The following RFT1 variants were observed in gnomAD, a reference collection of about 807,000 sequenced individuals.
RFT1 encodes man(5)GlcNAc(2)-PP-dolichol translocation protein RFT1.
Under a neutral mutation model 62.2 loss-of-function variants are expected in RFT1, and 43 were observed. That is an observed-to-expected ratio of 0.69 (90% CI 0.54 to 0.89). The LOEUF is 0.89. RFT1 is among the 40% of genes least tolerant of loss of function. The probability of loss-of-function intolerance (pLI) is 0.00; values close to 1 mark genes in which losing one functional copy is unlikely to be tolerated. For synonymous variants in RFT1, 262 were observed against 264.6 expected, an observed-to-expected ratio of 0.99 and a Z score of 0.10; for missense variants, 605 against 649.9, an observed-to-expected ratio of 0.93 and a Z score of 0.75.
chr3:53,098,558 T>C (rs1701211029), intron 11 of RFT1, among the ~76,000 whole-genome samples: 1 of 151,946 alleles, frequency 6.6e-6, no homozygotes, highest in African/African-American at 2.4e-5. Flanking sequence ...ATCCCGGCAC[T>C]TTGGGAGGCC....
At chr3:53,099,253 TG>T in intron 11 of RFT1, 127 bp downstream of exon 11, 1 of 747,236 alleles carries the variant, frequency 1.3e-6, no homozygotes, top group Non-Finnish European at 2.4e-6. Context: ...ACCACACTGG[TG>T]GACTAAGTGT....
At chr3:53,083,493 T>TA (rs11350349), downstream of RFT1, among the ~76,000 whole-genome samples, 5,370 of 130,010 alleles carry the variant, frequency 0.041, 346 homozygotes, top group African/African-American at 0.14. Flanking sequence ...AGACCCTATC[T>TA]AAAAAAAAAA....
intron 8 of RFT1, 119 bp downstream of exon 8, chr3:53,106,700 T>G (rs1019625465): frequency 1.2e-6 from 1 of 818,170 alleles, no homozygotes; most frequent in African/African-American, 1.7e-5. Context: ...ATTTACAATC[T>G]TCAGGATTTT....
rs1276184506 is a variant in RFT1 at position 53,092,408 on chromosome 3, C to T, written c.1419G>A (p.Gly473=). The T allele has an allele frequency of 6.2e-7, 1 of 1,606,702 alleles. No homozygotes were observed. The highest frequency in any genetic ancestry group is 8.5e-7 in the Non-Finnish European group (1 of 1,177,104). ...TAACCCCACCACTGAGGGCAAATGT[C>T]CCGAGCAGGACTGGCGATAGGTGCA... ...AGLHLSPVLL[G]TFALSGGVTA... The change falls in exon 12 of 13, where the codon GGG becomes GGA. Residue 473 remains glycine (G), a synonymous_variant. Transcript: ENST00000296292.
At position 53,122,550 on chromosome 3, in the gene RFT1, C is replaced by T. The variant is rs151030461; in HGVS notation, c.280G>A (p.Val94Met). 1.3e-4 allele frequency: 213 copies of T among 1,609,920 alleles called. No homozygotes were observed. The highest frequency in any genetic ancestry group is 1.7e-4 in the Non-Finnish European group (202 of 1,177,512). ...CAGCCCAGGAATAAGGACCAAAACA[C>T]ACCCAGGGGGACTCTAGAAGAGGAG... is the stretch of plus-strand genomic sequence containing the variant. ...NLLWLTVPLG[V>M]FWSLFLGWIW... Residue 94 changes from valine (V) to methionine (M), a missense_variant, in exon 4 of 13, where the codon GTG becomes ATG. Physicochemically the swap from Val to Met is conservative, Grantham distance 21. Coordinates refer to ENST00000296292, the MANE Select transcript of RFT1 (RefSeq NM_052859.4).
intron 11 of RFT1, among the ~76,000 whole-genome samples, chr3:53,095,491 C>T (rs1387475786): frequency 1.3e-5 from 2 of 151,980 alleles, no homozygotes; most frequent in Non-Finnish European, 2.9e-5. Flanking sequence ...GCAGGCAGAT[C>T]GCTTGAGCCC....
chr3:53,077,025 C>T, the RFT1 span, among the ~76,000 whole-genome samples: 3 of 151,762 alleles, frequency 2.0e-5, no homozygotes, highest in Non-Finnish European at 4.4e-5. Context: ...ATCAGTATTT[C>T]CAGCCTTGCA....
the RFT1 span, among the ~76,000 whole-genome samples, chr3:53,067,636 G>C: frequency 6.6e-6 from 1 of 152,182 alleles, no homozygotes; most frequent in Admixed American, 6.5e-5. Context: ...GTAGTGTACC[G>C]AATGTAAGTT....
At chr3:53,110,396 T>G (rs992241294) in intron 7 of RFT1, among the ~76,000 whole-genome samples, 1 of 152,226 alleles carries the variant, frequency 6.6e-6, no homozygotes, top group African/African-American at 2.4e-5. Context: ...CGGCACAGTC[T>G]CTGCTCCCCA....
At chr3:53,120,605 G>A (rs981164324) in intron 5 of RFT1, among the ~76,000 whole-genome samples, 1 of 152,164 alleles carries the variant, frequency 6.6e-6, no homozygotes, top group Non-Finnish European at 1.5e-5. Context: ...CAAAAGAATG[G>A]CTTCTGGCCA....
At chr3:53,117,314 G>C (rs1311001596) in intron 6 of RFT1, among the ~76,000 whole-genome samples, 1 of 152,170 alleles carries the variant, frequency 6.6e-6, no homozygotes, top group Non-Finnish European at 1.5e-5. Flanking sequence ...AGTCTTCAGA[G>C]GGGCCTCACA....
intron 1 of RFT1, among the ~76,000 whole-genome samples, chr3:53,127,214 C>T (rs1333671973): frequency 6.6e-6 from 1 of 150,834 alleles, no homozygotes; most frequent in Non-Finnish European, 1.5e-5. Context: ...GTCAGGAGTT[C>T]GAGACCTGCC....
the RFT1 span, among the ~76,000 whole-genome samples, chr3:53,067,994 C>T: frequency 6.6e-6 from 1 of 152,204 alleles, no homozygotes; most frequent in Admixed American, 6.5e-5. Context: ...AAGTCATGCC[C>T]TCAAGTGGGC....
chr3:53,067,098 C>T, the RFT1 span, among the ~76,000 whole-genome samples: 4 of 152,300 alleles, frequency 2.6e-5, no homozygotes, highest in Non-Finnish European at 4.4e-5. Context: ...GAGGCCGAGG[C>T]GGGCGGAGCG....
rs1291155894 is a variant in RFT1 at position 53,106,838 on chromosome 3, T to C, written c.807A>G (p.Val269=). 6.2e-7 allele frequency: 1 copy of C among 1,613,264 alleles called. No individual in the cohort carries two copies. The highest frequency in any genetic ancestry group is 8.5e-7 in the Non-Finnish European group (1 of 1,179,432). The stretch of plus-strand genomic sequence containing the variant: ...TCTTACCCTGATCACCAAAGTTCAA[T>C]ACATTCAAAAATGTCATCACATATC... ...GERYVMTFLN[V]LNFGDQGVYD... Residue 269 remains valine (V), a synonymous_variant, in exon 8 of 13, where the codon GTA becomes GTG. Coordinates refer to ENST00000296292, the MANE Select transcript of RFT1 (RefSeq NM_052859.4).
At chr3:53,100,770 A>C (rs1701288032) in intron 10 of RFT1, among the ~76,000 whole-genome samples, 1 of 152,140 alleles carries the variant, frequency 6.6e-6, no homozygotes, top group South Asian at 2.1e-4. Context: ...TTTGTCTCTG[A>C]GGTGGAGTGG....
At chr3:53,084,636 G>GAGCAGATTAA (rs1339566050), downstream of RFT1, among the ~76,000 whole-genome samples, 1 of 152,236 alleles carries the variant, frequency 6.6e-6, no homozygotes, top group Admixed American at 6.5e-5. Context: ...GGGCACTGCA[G>GAGCAGATTAA]AGCAGATTAA....
intron 7 of RFT1, among the ~76,000 whole-genome samples, chr3:53,109,844 A>C (rs79567512): frequency 0.012 from 1,847 of 152,152 alleles, 38 homozygotes; most frequent in African/African-American, 0.043. Context: ...AACAAAAAAA[A>C]CCACCAGGGA....
At chr3:53,081,115 G>C in the RFT1 span, among the ~76,000 whole-genome samples, 3 of 152,228 alleles carry the variant, frequency 2.0e-5, no homozygotes, top group African/African-American at 7.2e-5. Flanking sequence ...AGGCTGGGCA[G>C]TGCTGGTTCC....
Sources: gnomAD v4.1 joint callset for allele counts (sites outside exome capture counted in the v4.1 genomes callset) on GRCh38, gnomAD v4.1.1 for gene constraint, MANE v1.5 for transcripts, NCBI Gene and HGNC (gene_info 2026-07-23, HGNC 2026-07-21) for gene names.